The following EML3 variants were observed in gnomAD, a reference collection of about 807,000 sequenced individuals.
The protein encoded by EML3 is EMAP like 3, also known as echinoderm microtubule-associated protein-like 3.
A neutral mutation model predicts 106.7 loss-of-function variants in EML3; 53 were observed. The ratio of observed to expected loss-of-function variants is 0.50; its 90% CI spans 0.40 to 0.62. The LOEUF is 0.62. EML3 is among the 20% of genes least tolerant of loss of function. The pLI is 0.00. For missense variants in EML3, 994 were observed against 1,209.1 expected (o/e 0.82, Z 2.64); for synonymous variants, 499 against 489.6 (o/e 1.02, Z -0.25).
chr11:62,611,708 G>T (rs1265324860), intron 1 of EML3, 112 bp from the exon 2 acceptor site: 2 of 1,252,416 alleles, frequency 1.6e-6, no homozygotes, highest in Non-Finnish European at 2.2e-6. Flanking sequence ...CCCCTTTCAG[G>T]CAGCCCCAGG....
In EML3 at chr11:62,608,753, C is replaced by T. The variant is rs1429729993; in HGVS notation, c.982G>A (p.Val328Met). 6 of 1,601,014 alleles carry T rather than the reference C, an allele frequency of 3.7e-6. No homozygotes were observed. The highest frequency in any genetic ancestry group is 1.3e-5 in the African/African-American group (1 of 74,782). The stretch of plus-strand genomic sequence containing the variant: ...GGCCTTACCTTTCCATCCTTATCCA[C>T]TCCAGCTGTCTGTCCCGAGGCTACC... ...VRVASGQTAG[V>M]DKDGKPLQPV... The change falls in exon 8 of 22, where the codon GTG becomes ATG. Residue 328 changes from valine (V) to methionine (M), a missense_variant. By Grantham distance (21) the Val-to-Met change is conservative. Coordinates refer to ENST00000394773, the MANE Select transcript of EML3 (RefSeq NM_153265.3).
At position 62,602,493 on chromosome 11, in the gene EML3, G is replaced by A. The variant is rs566588186; in HGVS notation, c.2673C>T (p.Ala891=). 88 of 1,532,500 alleles carry A rather than the reference G, an allele frequency of 5.7e-5. No homozygotes were observed. The highest frequency in any genetic ancestry group is 7.2e-5 in the Non-Finnish European group (82 of 1,137,714). The allele number at this position is 1,532,500 out of a possible 1,614,324, so 94.9% of individuals were successfully genotyped here. A position where few individuals can be genotyped will look rare whatever the true frequency, so the allele number is the denominator to read the frequency against. The change falls in exon 22 of 22, where the codon GCC becomes GCT. Residue 891 remains alanine, a synonymous_variant. Coordinates refer to ENST00000394773, the MANE Select transcript of EML3 (RefSeq NM_153265.3). The part of the protein sequence containing the change: ...TPSRTPSLSP[A]SSLDV ...GCAGCGATCAAACGTCGAGGGAGGAGGCGGGGGACAGGGAGGGGGTTCGAG... is the reference window on the plus strand; with the variant it reads ...GCAGCGATCAAACGTCGAGGGAGGAAGCGGGGGACAGGGAGGGGGTTCGAG...
rs990755699 is a variant in EML3, at chr11:62,609,427, T to A, written c.685A>T (p.Ile229Phe). 1 of 1,600,520 alleles carries A rather than the reference T, an allele frequency of 6.2e-7. No homozygotes were observed. Among genetic ancestry groups the A allele is most frequent in the Non-Finnish European group, 8.5e-7 (1 of 1,173,212 alleles). The change falls in exon 6 of 22, where the codon ATC (isoleucine) becomes TTC (phenylalanine). Residue 229 changes from isoleucine (I) to phenylalanine (F), a missense_variant. Transcript: ENST00000394773. ...TCAAGGCTGCGGATGCCAGACGGGA[T>A]GTACATGGTAATGGGGCGCCCTCGA... ...FLRGRPITMY[I>F]PSGIRSLEEL...
chr11:62,602,547 C>T lies in EML3; in HGVS notation c.2619G>A (p.Gly873=), dbSNP rs1942280671. 2.7e-6 allele frequency: 4 copies of T among 1,495,050 alleles called. No homozygotes were observed. Among genetic ancestry groups the T allele is most frequent in the Non-Finnish European group, 3.6e-6 (4 of 1,123,314 alleles). The allele number at this position is 1,495,050 out of a possible 1,614,324, so 92.6% of individuals were successfully genotyped here. Residue 873 remains glycine, a synonymous_variant, in exon 22 of 22, where the codon GGG becomes GGA. Coordinates refer to ENST00000394773, the MANE Select transcript of EML3 (RefSeq NM_153265.3). ...SIFQWRVLGA[G]GAGPAPATPS... is the part of the protein sequence containing the mutation. The stretch of plus-strand genomic sequence containing the variant: ...GCGTGGCGGGCGCCGGCCCCGCGCC[C>T]CCAGCGCCCAGCACTCGCCACTGGA...
intron 12 of EML3, among the ~76,000 whole-genome samples, chr11:62,606,613 T>A (rs987030392): frequency 6.6e-6 from 1 of 152,154 alleles, no homozygotes; most frequent in African/African-American, 2.4e-5. Context: ...TCCCAGCACT[T>A]TGGGAGGCCA....
At position 62,606,993 on chromosome 11, in the gene EML3, G is replaced by A. The variant is rs755723929; in HGVS notation, c.1469C>T (p.Ser490Leu). 1.2e-6 allele frequency: 2 copies of A among 1,613,998 alleles called. No individual in the cohort carries two copies. Among genetic ancestry groups the A allele is most frequent in the African/African-American group, 2.7e-5 (2 of 74,932 alleles). Reference sequence around the variant, plus strand: ...ACCCCTGCCTGGGGTCTTGGAATCTGAAGGGCTCCGCCCCCAGGTGAGAAT... The same window carrying A: ...ACCCCTGCCTGGGGTCTTGGAATCTAAAGGGCTCCGCCCCCAGGTGAGAAT... ...GNILTWGRSP[S>L]DSKTPGRGGA... Residue 490 changes from serine (S) to leucine (L), a missense_variant, in exon 12 of 22, where the codon TCA becomes TTA. Ser to Leu is a moderately radical substitution (Grantham distance 145). Transcript: ENST00000394773.
rs61745121 is a variant in EML3, at chr11:62,609,334, G to A, written c.758+20C>T. On this transcript the variant is annotated intron_variant, in intron 6 of 21. Transcript: ENST00000394773. The stretch of plus-strand genomic sequence containing the variant: ...AAGGTGAGAAAGGTGGTTCTCATGG[G>A]ACTGGAAGGGGCAGGATACACCCAG... 6.7e-4 allele frequency: 1,041 copies of A among 1,546,920 alleles called. 9 individuals carry two copies. In the African/African-American group the frequency reaches 0.011, roughly 17 times the overall value.
Position 62,611,279 on chromosome 11 carries a change from G to A in EML3, c.260C>T (p.Thr87Met), listed in dbSNP as rs757085631. The A allele has an allele frequency of 5.6e-6, 9 of 1,612,828 alleles. No homozygotes were observed. The highest frequency in any genetic ancestry group is 1.3e-5 in the African/African-American group (1 of 74,916). Residue 87 changes from threonine (T) to methionine (M), a missense_variant, in exon 3 of 22, where the codon ACG becomes ATG. Thr to Met is a moderately conservative substitution (Grantham distance 81, BLOSUM62 -1). Transcript: ENST00000394773. ...TPSLVSRGTQ[T>M]ETEVELKSSP... ...TGACTTGAGCTCCACCTCTGTCTCC[G>A]TCTGGGTGCCTCGGCTCACCAAGGA...
chr11:62,607,056 G>A lies in EML3; in HGVS notation c.1406C>T (p.Pro469Leu), dbSNP rs143273389. 71 of 1,613,978 alleles carry A rather than the reference G, an allele frequency of 4.4e-5. No homozygotes were observed. The highest frequency in any genetic ancestry group is 1.1e-4 in the South Asian group (10 of 91,086). The change falls in exon 12 of 22, where the codon CCG becomes CTG. Residue 469 changes from proline to leucine, a missense_variant. Physicochemically the swap from Pro to Leu is moderately conservative, Grantham distance 98 (BLOSUM62 -3). This residue lies in a region of EML3 where 713 missense variants were observed against 920.5 expected (regional missense o/e 0.77). Coordinates refer to ENST00000394773, the MANE Select transcript of EML3 (RefSeq NM_153265.3). ...GTCTCCAGTGAGAATGTCTCCATCC[G>A]GAAGGAACACAAAGCAAGGGATAAA... is the stretch of plus-strand genomic sequence containing the variant. Reference protein sequence around the residue: ...PKFIPCFVFLPDGDILTGDSE... With the variant: ...PKFIPCFVFLLDGDILTGDSE...
chr11:62,603,889 A>T, intron 18 of EML3, 55 bp downstream of exon 18: 1 of 1,611,506 alleles, frequency 6.2e-7, no homozygotes, highest in East Asian at 2.2e-5. Context: ...GATGCATCAG[A>T]CCCCTGAGTT....
chr11:62,610,890 C>A lies in EML3; in HGVS notation c.555G>T (p.Gly185=). 6.2e-7 allele frequency: 1 copy of A among 1,611,232 alleles called. No homozygotes were observed. The highest frequency in any genetic ancestry group is 2.2e-5 in the East Asian group (1 of 44,860). Residue 185 remains glycine, a synonymous_variant, in exon 4 of 22, where the codon GGG becomes GGT. Transcript: ENST00000394773. ...ISSANLLVRS[G]STESRGGKDP... is the part of the protein sequence containing the mutation. ...GAAGCCTCACCCACCTCTCTGTGCTCCCGGACCGCACTAACAGGTTGGCGG... is the reference window on the plus strand; with the variant it reads ...GAAGCCTCACCCACCTCTCTGTGCTACCGGACCGCACTAACAGGTTGGCGG...
chr11:62,610,512 AG>A (rs1356676623), intron 4 of EML3, among the ~76,000 whole-genome samples: 8 of 152,170 alleles, frequency 5.3e-5, no homozygotes, highest in African/African-American at 1.7e-4. Context: ...GGATCGCAGA[AG>A]GTGTGCTGTG....
chr11:62,608,518 CTA>C (rs753011368), intron 9 of EML3, 22 bp downstream of exon 9: 11 of 1,607,566 alleles, frequency 6.8e-6, no homozygotes, highest in Non-Finnish European at 9.4e-6. Flanking sequence ...GAATGGGGGT[CTA>C]GAGGCTTCAG....
At chr11:62,609,766 CAAGAA>C (rs1942722010) in intron 4 of EML3, 70 bp from the exon 5 acceptor site, 2 of 1,394,800 alleles carry the variant, frequency 1.4e-6, no homozygotes, top group Non-Finnish European at 1.9e-6. Flanking sequence ...GGGCAGGACA[CAAGAA>C]AAGAGGTCAC....
At chr11:62,607,257 G>A in intron 11 of EML3, 158 bp from the exon 12 acceptor site, 1 of 797,996 alleles carries the variant, frequency 1.3e-6, no homozygotes, top group East Asian at 2.7e-5. Context: ...TGACCAGCCT[G>A]GCCAATATGG....
At position 62,607,840 on chromosome 11, in the gene EML3, A is replaced by G. The variant is rs764880906; in HGVS notation, c.1207-19T>C. 2 of 1,607,246 alleles carry G rather than the reference A, an allele frequency of 1.2e-6. No homozygotes were observed. The highest frequency in any genetic ancestry group is 1.1e-5 in the South Asian group (1 of 90,830). On this transcript the variant is annotated intron_variant, in intron 10 of 21. Transcript: ENST00000394773. ...TTGTACTCTGAAGGGAAGACACTAG[A>G]TTCAGCCACCCCAAGCCCTGGGTAC... is the stretch of plus-strand genomic sequence containing the variant.
Position 62,605,628 on chromosome 11 carries a change from G to T in EML3, c.1914+14C>A. The T allele has an allele frequency of 6.6e-7, 1 of 1,520,586 alleles. No homozygotes were observed. Among genetic ancestry groups the T allele is most frequent in the Non-Finnish European group, 8.8e-7 (1 of 1,133,690 alleles). 94.2% of individuals were successfully genotyped at this position (1,520,586 alleles called of 1,614,324 possible). ...TGGGTGTGGCATGGGGGATCCAGGG[G>T]CACAGGGCTCTACCTTGAGGTCGAT... On this transcript the variant is annotated intron_variant, in intron 15 of 21. Coordinates refer to ENST00000394773, the MANE Select transcript of EML3 (RefSeq NM_153265.3). This position sits in a 1 kb window ranked among gnomAD's most constrained non-coding sequence, Gnocchi z 5.2.
At chr11:62,602,734 A>C in intron 21 of EML3, 25 bp downstream of exon 21, 1 of 1,608,342 alleles carries the variant, frequency 6.2e-7, no homozygotes, top group Non-Finnish European at 8.5e-7. Context: ...CACCGGTCCC[A>C]CCCCGGCGAT....
intron 10 of EML3, 57 bp from the exon 11 acceptor site, chr11:62,607,878 T>C: frequency 6.4e-7 from 1 of 1,574,570 alleles, no homozygotes; most frequent in Non-Finnish European, 8.7e-7. Context: ...TCATTCTACT[T>C]GACTCTCCTC....
Sources: gnomAD v4.1 joint callset for allele counts (sites outside exome capture counted in the v4.1 genomes callset) on GRCh38, gnomAD v4.1.1 for gene constraint, gnomAD v4.1.1 regional missense constraint, Gnocchi (gnomAD v3.1) non-coding constraint, MANE v1.5 for transcripts, NCBI Gene and HGNC (gene_info 2026-07-23, HGNC 2026-07-21) for gene names.